The following RYR3 variants were observed in gnomAD, a reference collection of about 807,000 sequenced individuals.
RYR3 encodes the protein ryanodine receptor 3, also known as brain ryanodine receptor-calcium release channel.
RYR3 carries 207 observed loss-of-function variants against 584.3 expected under a neutral mutation model. That is an observed-to-expected ratio of 0.35 (90% CI 0.32 to 0.40). RYR3 has a LOEUF of 0.40. RYR3 is among the 10% of genes least tolerant of loss of function. The pLI, the probability that RYR3 is intolerant of heterozygous loss-of-function variation, is 1.00. For missense variants in RYR3, 5,616 were observed against 6,089.2 expected, an observed-to-expected ratio of 0.92 and a Z score of 2.59; for synonymous variants, 2,416 against 2,248.5, an observed-to-expected ratio of 1.07 and a Z score of -2.11.
rs757966429 is a variant in RYR3, at chr15:33,785,653, C to T, written c.9269-9C>T. 1.3e-6 allele frequency: 2 copies of T among 1,552,224 alleles called. No individual in the cohort carries two copies. The highest frequency in any genetic ancestry group is 1.4e-5 in the African/African-American group (1 of 73,310). ...GAATTTCTGTCCCTTTATTCTTCCT[C>T]TCAATCAGTTCTGGGGATGCCAGAC... On this transcript the variant is annotated splice_polypyrimidine_tract_variant and intron_variant, in intron 65 of 103. Coordinates refer to ENST00000634891, the MANE Select transcript of RYR3 (RefSeq NM_001036.6).
chr15:33,783,646 G>A (rs551871551), intron 65 of RYR3, among the ~76,000 whole-genome samples: 9 of 152,278 alleles, frequency 5.9e-5, no homozygotes, highest in African/African-American at 1.7e-4. Flanking sequence ...ATAATCCCAC[G>A]GCAAATAGTT....
intron 12 of RYR3, among the ~76,000 whole-genome samples, chr15:33,575,857 A>G (rs956034143): frequency 3.9e-5 from 6 of 152,094 alleles, no homozygotes; most frequent in Non-Finnish European, 7.4e-5. Flanking sequence ...TTAATAAAAT[A>G]GACTGCTAGC....
In RYR3 at chr15:33,820,824, T is replaced by C. The variant is rs373472134; in HGVS notation, c.10815+12T>C. On this transcript the variant is annotated intron_variant, in intron 78 of 103. Coordinates refer to ENST00000634891, the MANE Select transcript of RYR3 (RefSeq NM_001036.6). The stretch of plus-strand genomic sequence containing the variant: ...AAAAAACATTCGAAGTAAGTTCTCA[T>C]GAAGAATAAAAATAGAGCCACCCTC... 5.7e-6 allele frequency: 9 copies of C among 1,574,882 alleles called. No homozygotes were observed. Among genetic ancestry groups the C allele is most frequent in the Admixed American group, 1.8e-5 (1 of 54,782 alleles).
chr15:33,644,338 T>C lies in RYR3; in HGVS notation c.3584T>C (p.Leu1195Pro), dbSNP rs373789830. 14 of 1,612,386 alleles carry C rather than the reference T, an allele frequency of 8.7e-6. No individual in the cohort carries two copies. The highest frequency in any genetic ancestry group is 2.7e-5 in the African/African-American group (2 of 74,904). The change falls in exon 28 of 104, where the codon CTA (leucine) becomes CCA (proline). Residue 1195 changes from leucine (L) to proline (P), a missense_variant. Around this residue, in one of 9 missense-constraint regions of RYR3, gnomAD observed 152 missense variants for 200.9 expected, o/e 0.76. Coordinates refer to ENST00000634891, the MANE Select transcript of RYR3 (RefSeq NM_001036.6). Reference protein sequence around the residue: ...NGFVPICCLGLSQIGRMNLGT... With the variant: ...NGFVPICCLGPSQIGRMNLGT... ...TTCGTGCCCATCTGCTGTCTGGGTCTATCTCAGATCGGCCGCATGAATCTC... is the reference window on the plus strand; with the variant it reads ...TTCGTGCCCATCTGCTGTCTGGGTCCATCTCAGATCGGCCGCATGAATCTC...
At chr15:33,544,062 G>GT (rs1460409479) in intron 8 of RYR3, among the ~76,000 whole-genome samples, 1 of 152,056 alleles carries the variant, frequency 6.6e-6, no homozygotes, top group African/African-American at 2.4e-5. Flanking sequence ...CATTGATTTG[G>GT]TTTTATGACT....
chr15:33,685,652 C>T (rs909663352), intron 38 of RYR3, among the ~76,000 whole-genome samples: 1 of 152,204 alleles, frequency 6.6e-6, no homozygotes, highest in Non-Finnish European at 1.5e-5. Context: ...CTTCTCAGCA[C>T]CACATTGCAC....
At chr15:33,525,658 A>G (rs117287172) in intron 3 of RYR3, among the ~76,000 whole-genome samples, 1,901 of 152,344 alleles carry the variant, frequency 0.012, 28 homozygotes, top group Non-Finnish European at 0.02. Flanking sequence ...TGTGGAAATC[A>G]TGAGTAGAAT....
chr15:33,857,967 C>CA lies in RYR3; in HGVS notation c.14142+53_14142+54insA, dbSNP rs2079877587. ...CCCACCCACTGCGGGGCCACCCCGC[C>CA]CCACCACCTCACTGGGAAGAAGGGC... On this transcript the variant is annotated intron_variant, in intron 99 of 103. Coordinates refer to ENST00000634891, the MANE Select transcript of RYR3 (RefSeq NM_001036.6). 2.1e-5 allele frequency: 34 copies of CA among 1,604,400 alleles called. 1 individual carries two copies. The Admixed American group carries it at 5.7e-4, about 27-fold the overall frequency.
At chr15:33,658,905 T>G (rs941558808) in intron 32 of RYR3, among the ~76,000 whole-genome samples, 1 of 152,060 alleles carries the variant, frequency 6.6e-6, no homozygotes, top group Non-Finnish European at 1.5e-5. Context: ...GTGGAGAGGA[T>G]GGAGAGGAGT....
chr15:33,668,268 G>A (rs956604957), intron 36 of RYR3, among the ~76,000 whole-genome samples: 1 of 152,056 alleles, frequency 6.6e-6, no homozygotes, highest in Non-Finnish European at 1.5e-5. Flanking sequence ...AGTGAGCCGG[G>A]ATTGTGCCAC....
Position 33,599,417 on chromosome 15 carries a change from A to G in RYR3, c.1789-2002A>G, listed in dbSNP as rs138539482. Reference sequence around the variant, plus strand: ...GAGCACAGCTTGGTTTTAGACATTTAGGGAGACATCACTCAATATATATAA... The same window carrying G: ...GAGCACAGCTTGGTTTTAGACATTTGGGGAGACATCACTCAATATATATAA... On this transcript the variant is annotated intron_variant, in intron 16 of 103. Coordinates refer to ENST00000634891, the MANE Select transcript of RYR3 (RefSeq NM_001036.6). Among the ~76,000 whole-genome samples, 235 of 152,314 alleles carry G rather than the reference A, an allele frequency of 1.5e-3. 2 individuals carry two copies. Among genetic ancestry groups the G allele is most frequent in the African/African-American group, 5.2e-3 (216 of 41,578 alleles).
At chr15:33,574,967 G>A (rs2058220418) in intron 12 of RYR3, among the ~76,000 whole-genome samples, 1 of 152,124 alleles carries the variant, frequency 6.6e-6, no homozygotes, top group African/African-American at 2.4e-5. Context: ...GAAAAAAGCA[G>A]GGGTTATAAT....
intron 32 of RYR3, 49 bp from the exon 33 acceptor site, chr15:33,659,671 G>C: frequency 8.1e-7 from 1 of 1,238,756 alleles, no homozygotes. Flanking sequence ...AGCCAGCTGT[G>C]TTGTTTGTCC....
chr15:33,355,180 C>T (rs890170688), intron 1 of RYR3, among the ~76,000 whole-genome samples: 6 of 98,014 alleles, frequency 6.1e-5, no homozygotes, highest in Admixed American at 1.1e-4. Flanking sequence ...GTGAAACTCC[C>T]TCAAAAAAAA....
chr15:33,436,444 G>C (rs758957838), intron 1 of RYR3, among the ~76,000 whole-genome samples: 1 of 151,206 alleles, frequency 6.6e-6, no homozygotes, highest in Non-Finnish European at 1.5e-5. Context: ...GTTTTACGAA[G>C]ATCTTCCAGT....
chr15:33,821,169 C>A, intron 78 of RYR3, 101 bp from the exon 79 acceptor site: 1 of 875,032 alleles, frequency 1.1e-6, no homozygotes, highest in Non-Finnish European at 1.8e-6. Context: ...TGTGTGTTAC[C>A]TTCCTTAGGT....
intron 53 of RYR3, 66 bp from the exon 54 acceptor site, chr15:33,748,048 G>A (rs530376093): frequency 3.5e-5 from 53 of 1,507,730 alleles, no homozygotes; most frequent in East Asian, 3.4e-4. Context: ...CCTTCCATGC[G>A]GAGATGGGCC....
chr15:33,714,873 A>G (rs1008782396), intron 43 of RYR3, among the ~76,000 whole-genome samples: 5 of 152,210 alleles, frequency 3.3e-5, no homozygotes, highest in African/African-American at 1.2e-4. Flanking sequence ...AAACAGAGAA[A>G]ACCCAAGTAG....
intron 2 of RYR3, among the ~76,000 whole-genome samples, chr15:33,488,696 CA>C (rs995454035): frequency 5.3e-5 from 8 of 151,976 alleles, no homozygotes; most frequent in Admixed American, 1.3e-4. Flanking sequence ...ACTAAAAATA[CA>C]AAAAATTAGC....
Sources: gnomAD v4.1 joint callset for allele counts (sites outside exome capture counted in the v4.1 genomes callset) on GRCh38, gnomAD v4.1.1 for gene constraint, gnomAD v4.1.1 regional missense constraint, MANE v1.5 for transcripts, NCBI Gene and HGNC (gene_info 2026-07-23, HGNC 2026-07-21) for gene names.